Variants in TRAPPC9 observed in about 807,000 individuals in gnomAD.
The protein encoded by TRAPPC9 is trafficking protein particle complex subunit 9, also known as IKK2 binding protein.
A neutral mutation model predicts 124.0 loss-of-function variants in TRAPPC9; 83 were observed. The ratio of observed to expected loss-of-function variants is 0.67; its 90% confidence interval spans 0.56 to 0.80. The LOEUF (loss-of-function observed/expected upper bound fraction) is 0.80, where lower values mean the gene tolerates loss of function less well. Among genes scored for constraint, TRAPPC9 ranks in the 30% least tolerant of loss-of-function variants. The pLI is 0.00. For synonymous variants in TRAPPC9, 638 were observed against 617.5 expected, an observed-to-expected ratio of 1.03 and a Z score of -0.49; for missense variants, 1,302 against 1,508.3, an observed-to-expected ratio of 0.86 and a Z score of 2.27.
At chr8:139,945,535 A>T (rs1265031603) in intron 19 of TRAPPC9, among the ~76,000 whole-genome samples, 1 of 131,978 alleles carries the variant, frequency 7.6e-6, no homozygotes, top group African/African-American at 2.9e-5. Flanking sequence ...AATTGACAGC[A>T]CAATTAGCAA....
At chr8:140,269,928 A>G (rs1176788211) in intron 15 of TRAPPC9, among the ~76,000 whole-genome samples, 2 of 151,948 alleles carry the variant, frequency 1.3e-5, no homozygotes, top group African/African-American at 4.8e-5. Context: ...GTGAAAGTAC[A>G]TCTCTACTAA....
intron 18 of TRAPPC9, among the ~76,000 whole-genome samples, chr8:140,005,210 C>T (rs550565924): frequency 2.0e-5 from 3 of 152,134 alleles, no homozygotes; most frequent in Admixed American, 2.0e-4. Context: ...AGCACACCAA[C>T]CACCAAAAAC....
chr8:140,342,007 G>A (rs1019427834), intron 9 of TRAPPC9, among the ~76,000 whole-genome samples: 1 of 152,246 alleles, frequency 6.6e-6, no homozygotes, highest in Non-Finnish European at 1.5e-5. Flanking sequence ...CTTTATCATA[G>A]GGGTGGAGGA....
chr8:139,730,016 G>T lies in TRAPPC9; in HGVS notation c.*1045C>A, dbSNP rs1208163146. The stretch of plus-strand genomic sequence containing the variant: ...GTAGTGTAGACACACCCCAGCTCTG[G>T]CCCTCAAGGGAGATGTGAGCCGTGT... On this transcript the variant is annotated 3_prime_UTR_variant, in exon 23 of 23. Transcript: ENST00000438773. 6.6e-6 allele frequency among the ~76,000 whole-genome samples: 1 copy of T among 152,136 alleles called. No individual in the cohort carries two copies. The highest frequency in any genetic ancestry group is 1.5e-5 in the Non-Finnish European group (1 of 68,000).
intron 21 of TRAPPC9, among the ~76,000 whole-genome samples, chr8:139,844,040 G>A (rs1450876527): frequency 6.6e-6 from 1 of 152,152 alleles, no homozygotes; most frequent in Non-Finnish European, 1.5e-5. Context: ...TGGGTCTCCA[G>A]AAGGCATGGG....
At chr8:139,859,207 G>A (rs532739062) in intron 21 of TRAPPC9, among the ~76,000 whole-genome samples, 5 of 151,842 alleles carry the variant, frequency 3.3e-5, no homozygotes, top group South Asian at 2.1e-4. Context: ...CTGATGCCAC[G>A]TGCCCCTGTG....
At chr8:139,949,946 A>G (rs564140250) in intron 19 of TRAPPC9, among the ~76,000 whole-genome samples, 1 of 152,294 alleles carries the variant, frequency 6.6e-6, no homozygotes, top group Admixed American at 6.5e-5. Context: ...AAGAAAAGAA[A>G]CTGTTATTGA....
At position 140,302,314 on chromosome 8, in the gene TRAPPC9, G is replaced by A. The variant is rs111573776; in HGVS notation, c.1623-1700C>T. ...CAGCAGGTGCTCCCCAGCTCCCTTC[G>A]CTCTGTGTGTGCCCTTCATTATGCC... On this transcript the variant is annotated intron_variant, in intron 10 of 22. Transcript: ENST00000438773. Among the ~76,000 whole-genome samples, 324 of 152,248 alleles carry A rather than the reference G, an allele frequency of 2.1e-3. 2 individuals are homozygous for A. The highest frequency in any genetic ancestry group is 7.3e-3 in the African/African-American group (304 of 41,542).
At chr8:140,275,576 T>A (rs917644042) in intron 15 of TRAPPC9, 82 bp downstream of exon 15, 1 of 1,492,080 alleles carries the variant, frequency 6.7e-7, no homozygotes, top group African/African-American at 1.4e-5. Flanking sequence ...TTAGATTCTC[T>A]GAAAACTGAG....
chr8:140,304,918 C>A (rs2066082444), intron 10 of TRAPPC9, among the ~76,000 whole-genome samples: 1 of 134,068 alleles, frequency 7.5e-6, no homozygotes, highest in African/African-American at 2.9e-5. Flanking sequence ...CCCTGGTGCT[C>A]CGGTCCCATG....
intron 21 of TRAPPC9, among the ~76,000 whole-genome samples, chr8:139,754,982 CA>C (rs1416023499): frequency 3.3e-5 from 5 of 152,364 alleles, no homozygotes; most frequent in South Asian, 2.1e-4. Context: ...CTGTCACTGC[CA>C]GGGGCCCTGG....
intron 15 of TRAPPC9, among the ~76,000 whole-genome samples, chr8:140,254,770 G>T (rs1424884777): frequency 6.6e-6 from 1 of 152,192 alleles, no homozygotes; most frequent in Non-Finnish European, 1.5e-5. Context: ...TTAGAGAGAT[G>T]AAGTAACTTA....
intron 4 of TRAPPC9, among the ~76,000 whole-genome samples, chr8:140,432,749 G>C (rs902772785): frequency 6.6e-6 from 1 of 152,084 alleles, no homozygotes; most frequent in Non-Finnish European, 1.5e-5. Context: ...GCGGACGCCT[G>C]TAGTCCCAGC....
intron 15 of TRAPPC9, among the ~76,000 whole-genome samples, chr8:140,255,635 C>T (rs1443882290): frequency 1.3e-5 from 2 of 152,212 alleles, no homozygotes; most frequent in Non-Finnish European, 2.9e-5. Flanking sequence ...CCTGTAATCC[C>T]AGCACTTTGG....
chr8:140,038,517 G>A (rs946597971), intron 17 of TRAPPC9, among the ~76,000 whole-genome samples: 29 of 152,212 alleles, frequency 1.9e-4, no homozygotes, highest in Admixed American at 5.2e-4. Flanking sequence ...AGCGAACAAC[G>A]CATTGACACA....
intron 17 of TRAPPC9, among the ~76,000 whole-genome samples, chr8:140,165,476 T>C (rs868719111): frequency 6.7e-6 from 1 of 149,636 alleles, no homozygotes; most frequent in Admixed American, 6.6e-5. Context: ...GAGATGGAGG[T>C]TGCAGTGAGC....
intron 19 of TRAPPC9, among the ~76,000 whole-genome samples, chr8:139,943,153 G>A (rs896039283): frequency 3.3e-5 from 5 of 152,136 alleles, no homozygotes; most frequent in African/African-American, 9.7e-5. Flanking sequence ...TGTAACTTCC[G>A]CCACCTGGGT....
intron 6 of TRAPPC9, among the ~76,000 whole-genome samples, chr8:140,399,452 A>G (rs1218251555): frequency 1.3e-5 from 2 of 152,256 alleles, no homozygotes; most frequent in South Asian, 2.1e-4. Context: ...GCCCAAGACC[A>G]TGGGAACCCA....
intron 9 of TRAPPC9, among the ~76,000 whole-genome samples, chr8:140,330,926 T>C (rs908750404): frequency 6.6e-6 from 1 of 151,624 alleles, no homozygotes; most frequent in African/African-American, 2.4e-5. Context: ...CTAATCCCTA[T>C]CAAAATACCA....
Sources: gnomAD v4.1 joint callset for allele counts (sites outside exome capture counted in the v4.1 genomes callset) on GRCh38, gnomAD v4.1.1 for gene constraint, MANE v1.5 for transcripts, NCBI Gene and HGNC (gene_info 2026-07-23, HGNC 2026-07-21) for gene names.